Variants in CT45A1 observed in about 807,000 individuals in gnomAD.
CT45A1 encodes cancer/testis antigen 45-1.
rs1221668312 is a variant in CT45A1, at chrX:135,715,320, T to TAC, written c.-7+1631_-7+1632insCA. On this transcript the variant is annotated intron_variant, in intron 1 of 4. Transcript: ENST00000594565. ...TACTTATATATACAATACTTATATA[T>TAC]AATACTTATATATTATATATATATA... Among the ~76,000 whole-genome samples, 49 of 70,216 alleles carry TAC rather than the reference T, an allele frequency of 7.0e-4. 1 individual carries two copies. Among genetic ancestry groups the TAC allele is most frequent in the African/African-American group, 1.3e-3 (25 of 19,380 alleles). 61.0% of individuals were successfully genotyped at this position (70,216 alleles called of 115,157 possible). A position where few individuals can be genotyped will look rare whatever the true frequency, so the allele number is the denominator to read the frequency against.
At chrX:135,713,064 G>C (rs1232793241), upstream of CT45A1, among the ~76,000 whole-genome samples, 3 of 78,894 alleles carry the variant, frequency 3.8e-5, no homozygotes, top group Admixed American at 1.6e-4. Context: ...TTTTGAGATA[G>C]AGTCTCCTCT....
chrX:135,716,071 A>C (rs1342533897), intron 1 of CT45A1, among the ~76,000 whole-genome samples: 1 of 111,320 alleles, frequency 9.0e-6, no homozygotes, highest in Non-Finnish European at 1.9e-5. Context: ...TTCTTTATCC[A>C]GTCTATCATT....
rs186561988 is a variant in CT45A1, at chrX:135,718,648, G to A, written c.-6-287G>A. 1.8e-3 allele frequency among the ~76,000 whole-genome samples: 191 copies of A among 107,959 alleles called. 1 individual carries two copies. The highest frequency in any genetic ancestry group is 2.8e-3 in the Non-Finnish European group (147 of 52,112). 93.7% of individuals were successfully genotyped at this position (107,959 alleles called of 115,157 possible). On this transcript the variant is annotated intron_variant, in intron 1 of 4. Transcript: ENST00000594565. ...GATTGGCTTATACATCTTCAAATAG[G>A]TAATAATATTTTTATCTATTTTTGG...
upstream of CT45A1, among the ~76,000 whole-genome samples, chrX:135,713,011 C>CTCTT (rs377476754): frequency 7.1e-3 from 429 of 60,300 alleles, 12 homozygotes; most frequent in Non-Finnish European, 7.9e-3. Flanking sequence ...CTCTCTCTCT[C>CTCTT]TCTTTCTTTC....
upstream of CT45A1, among the ~76,000 whole-genome samples, chrX:135,713,002 T>TTC (rs2087946965): frequency 2.9e-4 from 22 of 74,803 alleles, no homozygotes; most frequent in South Asian, 4.2e-3. Flanking sequence ...CCTTCCTCTC[T>TTC]CTCTCTCTCT....
chrX:135,710,633 C>T (rs373578880), upstream of CT45A1, among the ~76,000 whole-genome samples: 12 of 112,152 alleles, frequency 1.1e-4, no homozygotes, highest in African/African-American at 3.6e-4. Context: ...CATGCTACTG[C>T]GCATAATCTC....
At chrX:135,712,675 T>A (rs2087941400), upstream of CT45A1, among the ~76,000 whole-genome samples, 1 of 110,049 alleles carries the variant, frequency 9.1e-6, no homozygotes, top group Admixed American at 9.7e-5. Flanking sequence ...GGACTACAGG[T>A]GCGCGCCCCA....
At chrX:135,718,297 G>A (rs1220713729) in intron 1 of CT45A1, among the ~76,000 whole-genome samples, 1 of 110,683 alleles carries the variant, frequency 9.0e-6, no homozygotes, top group Non-Finnish European at 1.9e-5. Context: ...CATTTTATTT[G>A]CTCACCCTTA....
chrX:135,714,832 A>G (rs1377263698), intron 1 of CT45A1, among the ~76,000 whole-genome samples: 2 of 86,759 alleles, frequency 2.3e-5, no homozygotes, highest in African/African-American at 4.3e-5. Flanking sequence ...CCAGCTATTT[A>G]TTGTTTTTTT....
chrX:135,717,352 C>G (rs2087995520), intron 1 of CT45A1, among the ~76,000 whole-genome samples: 1 of 111,421 alleles, frequency 9.0e-6, no homozygotes, highest in Non-Finnish European at 1.9e-5. Context: ...AGTTTGAGAC[C>G]AGTGTGGCTA....
chrX:135,712,869 C>A (rs1379058647), upstream of CT45A1, among the ~76,000 whole-genome samples: 2 of 110,816 alleles, frequency 1.8e-5, no homozygotes, highest in Non-Finnish European at 3.8e-5. Flanking sequence ...ATGAAGATTT[C>A]AGTTTGTTGA....
At chrX:135,715,347 T>G (rs1258093082) in intron 1 of CT45A1, among the ~76,000 whole-genome samples, 3 of 34,777 alleles carry the variant, frequency 8.6e-5, no homozygotes, top group African/African-American at 3.2e-4. Flanking sequence ...ATATATATAA[T>G]ACTTACATAT....
At chrX:135,708,955 G>A (rs1313260677), upstream of CT45A1, among the ~76,000 whole-genome samples, 5 of 111,059 alleles carry the variant, frequency 4.5e-5, no homozygotes, top group African/African-American at 1.6e-4. Context: ...GACTCGTTTA[G>A]GATATAAACC....
upstream of CT45A1, among the ~76,000 whole-genome samples, chrX:135,708,871 A>T (rs1197958532): frequency 1.8e-5 from 2 of 110,987 alleles, no homozygotes; most frequent in African/African-American, 3.3e-5. Context: ...CCTCCTGCGC[A>T]GTCAGCATAA....
At chrX:135,710,351 T>C (rs2087927797), upstream of CT45A1, 1 of 112,353 alleles carries the variant, frequency 8.9e-6, no homozygotes, top group Non-Finnish European at 1.9e-5. Flanking sequence ...CTTTCCAGAA[T>C]TTTGGAAGCC....
chrX:135,711,682 A>T (rs1243823074), upstream of CT45A1, among the ~76,000 whole-genome samples: 3 of 111,991 alleles, frequency 2.7e-5, no homozygotes, highest in East Asian at 8.3e-4. Context: ...TTGTGTCAAG[A>T]GTGAAACTGC....
chrX:135,710,869 C>T (rs1169327444), upstream of CT45A1, among the ~76,000 whole-genome samples: 5 of 112,051 alleles, frequency 4.5e-5, no homozygotes, highest in Admixed American at 9.4e-5. Flanking sequence ...TTTTCTCAGA[C>T]GTCCTTGACA....
chrX:135,710,923 G>A (rs1350859960), upstream of CT45A1, among the ~76,000 whole-genome samples: 2 of 111,860 alleles, frequency 1.8e-5, no homozygotes, highest in East Asian at 2.8e-4. Context: ...ACAATTCAGC[G>A]AATGAGTGGG....
At chrX:135,713,275 C>G (rs1329983709), upstream of CT45A1, among the ~76,000 whole-genome samples, 2 of 105,383 alleles carry the variant, frequency 1.9e-5, no homozygotes, top group African/African-American at 3.5e-5. Context: ...CTATGTTACC[C>G]AGGCGATTTC....
Sources: allele counts gnomAD v4.1 joint callset (sites outside exome capture counted in the v4.1 genomes callset), GRCh38; gene constraint gnomAD v4.1.1; transcripts MANE v1.5; gene names NCBI Gene and HGNC (gene_info 2026-07-23, HGNC 2026-07-21).